The following ZNF518A variants were observed in gnomAD, a reference collection of about 807,000 sequenced individuals.
The protein encoded by ZNF518A is zinc finger protein 518A, also known as zinc finger protein 518.
Under a neutral mutation model 102.7 loss-of-function variants are expected in ZNF518A, and 47 were observed. The observed-to-expected ratio is 0.46, with a 90% confidence interval of 0.36 to 0.58. The LOEUF (loss-of-function observed/expected upper bound fraction) is 0.58, where lower values mean the gene tolerates loss of function less well. ZNF518A is among the 20% of genes least tolerant of loss of function. The pLI is 0.00. For synonymous variants in ZNF518A, 652 were observed against 594.6 expected (o/e 1.10, Z -1.40); for missense variants, 1,793 against 1,699.8 (o/e 1.05, Z -0.96).
At chr10:96,149,742 G>C (rs1489228641) in intron 3 of ZNF518A, among the ~76,000 whole-genome samples, 1 of 152,174 alleles carries the variant, frequency 6.6e-6, no homozygotes, top group African/African-American at 2.4e-5. Flanking sequence ...GAATTCTGCT[G>C]TAAGGGATTC....
rs376846613 is a variant in ZNF518A, at chr10:96,158,144, A to G, written c.1822A>G (p.Asn608Asp). The G allele has an allele frequency of 6.2e-7, 1 of 1,613,566 alleles. No individual in the cohort carries two copies. The highest frequency in any genetic ancestry group is 1.1e-5 in the South Asian group (1 of 91,050). ...TAAAGTCAACTGTGTTGCCAAACCAAATGCATACAACAGTGGAGATATGCA... is the reference window on the plus strand; with the variant it reads ...TAAAGTCAACTGTGTTGCCAAACCAGATGCATACAACAGTGGAGATATGCA... Reference protein sequence around the residue: ...PDKVNCVAKPNAYNSGDMHNY... With the variant: ...PDKVNCVAKPDAYNSGDMHNY... Residue 608 changes from asparagine to aspartate, a missense_variant, in exon 6 of 6, where the codon AAT becomes GAT. By Grantham distance (23) the Asn-to-Asp change is conservative. This residue lies in a region of ZNF518A where 1,741 missense variants were observed against 1,622.6 expected (regional missense o/e 1.07). Coordinates refer to ENST00000316045, the MANE Select transcript of ZNF518A (RefSeq NM_001330736.2).
chr10:96,159,513 TTCC>T lies in ZNF518A; in HGVS notation c.3193_3195del (p.Pro1065del). ...ACGAGTTCTGTGAAAGCTGTTCTTA[TTCC>T]TAACATGCTATCTGAGCAACAGAGC... On this transcript the variant is annotated inframe_deletion, in exon 6 of 6. Transcript: ENST00000316045. 1 of 1,613,880 alleles carries T rather than the reference TTCC, an allele frequency of 6.2e-7. No homozygotes were observed. Among genetic ancestry groups the T allele is most frequent in the Middle Eastern group, 1.6e-4 (1 of 6,062 alleles).
chr10:96,142,195 A>G (rs1456808770), intron 3 of ZNF518A, among the ~76,000 whole-genome samples: 2 of 150,236 alleles, frequency 1.3e-5, no homozygotes, highest in African/African-American at 2.5e-5. Flanking sequence ...TGAAAACTTA[A>G]AACAGCTGCA....
chr10:96,140,466 T>C (rs782496286), intron 3 of ZNF518A, among the ~76,000 whole-genome samples: 4 of 152,208 alleles, frequency 2.6e-5, no homozygotes, highest in Admixed American at 6.5e-5. Flanking sequence ...TCCCCTCATG[T>C]ATTCCAAATC....
intron 3 of ZNF518A, among the ~76,000 whole-genome samples, chr10:96,137,740 C>G (rs1389885188): frequency 2.6e-5 from 4 of 152,198 alleles, no homozygotes; most frequent in African/African-American, 9.7e-5. Flanking sequence ...TTTATTCCCC[C>G]TGGTGATTTC....
chr10:96,178,282 G>T (rs1554891696), intron 1 of ZNF518A, among the ~76,000 whole-genome samples: 1 of 152,068 alleles, frequency 6.6e-6, no homozygotes. Flanking sequence ...AATTCAATTA[G>T]AAATCAATCT....
In ZNF518A at chr10:96,159,577, G is replaced by A. The variant is rs782503024; in HGVS notation, c.3255G>A (p.Gln1085=). ...KLNISDSVKQ[Q]NEIFPKPPLY... is the part of the protein sequence containing the mutation. The stretch of plus-strand genomic sequence containing the variant: ...ATATCTCCGATTCAGTAAAACAGCA[G>A]AATGAGATTTTTCCAAAACCACCTC... The change falls in exon 6 of 6, where the codon CAG becomes CAA. Residue 1085 remains glutamine, a synonymous_variant. Coordinates refer to ENST00000316045, the MANE Select transcript of ZNF518A (RefSeq NM_001330736.2). 2 of 1,613,852 alleles carry A rather than the reference G, an allele frequency of 1.2e-6. No individual in the cohort carries two copies. The highest frequency in any genetic ancestry group is 2.2e-5 in the East Asian group (1 of 44,884).
At chr10:96,169,667 A>G (rs1173641411) in intron 1 of ZNF518A, among the ~76,000 whole-genome samples, 4 of 152,178 alleles carry the variant, frequency 2.6e-5, no homozygotes, top group African/African-American at 9.7e-5. Flanking sequence ...CCTTAGGGAT[A>G]ATTTCTACTG....
chr10:96,149,967 C>T (rs1554879824), intron 3 of ZNF518A, among the ~76,000 whole-genome samples: 1 of 152,010 alleles, frequency 6.6e-6, no homozygotes, highest in Non-Finnish European at 1.5e-5. Flanking sequence ...TACCTCAGAA[C>T]TCTATATAAA....
At chr10:96,195,907 T>C (rs2083453697) in intron 1 of ZNF518A, among the ~76,000 whole-genome samples, 1 of 152,230 alleles carries the variant, frequency 6.6e-6, no homozygotes, top group Admixed American at 6.5e-5. Context: ...ACCAAATCAA[T>C]TCAGTTGCTT....
At chr10:96,186,342 A>G (rs2083271739) in intron 1 of ZNF518A, among the ~76,000 whole-genome samples, 1 of 152,342 alleles carries the variant, frequency 6.6e-6, no homozygotes, top group Admixed American at 6.5e-5. Flanking sequence ...CTATTCAGCC[A>G]TCTTGGAATG....
At chr10:96,142,319 TG>T (rs2081972054) in intron 3 of ZNF518A, among the ~76,000 whole-genome samples, 1 of 133,786 alleles carries the variant, frequency 7.5e-6, no homozygotes, top group Non-Finnish European at 1.7e-5. Flanking sequence ...TGTGTGTGTG[TG>T]TGTGTGTGTG....
intron 1 of ZNF518A, chr10:96,190,040 C>T: frequency 1.2e-6 from 1 of 809,918 alleles, no homozygotes; most frequent in Admixed American, 1.7e-5. Flanking sequence ...GCCTCTGCTT[C>T]AACAATGTGC....
chr10:96,165,483 A>C (rs1459457724), downstream of ZNF518A, among the ~76,000 whole-genome samples: 1 of 145,102 alleles, frequency 6.9e-6, no homozygotes, highest in Admixed American at 6.9e-5. Flanking sequence ...AAAAAAAAAA[A>C]AAAAAACAGA....
chr10:96,191,040 T>TCA (rs2083320184), intron 1 of ZNF518A, among the ~76,000 whole-genome samples: 1 of 152,132 alleles, frequency 6.6e-6, no homozygotes, highest in African/African-American at 2.4e-5. Context: ...GGTAACTGAA[T>TCA]CACGCGGGCA....
chr10:96,177,573 G>A (rs1337203586), intron 1 of ZNF518A, among the ~76,000 whole-genome samples: 3 of 152,158 alleles, frequency 2.0e-5, no homozygotes, highest in Non-Finnish European at 4.4e-5. Context: ...CAGGGAAGGG[G>A]AAATGGAGGA....
chr10:96,150,743 C>T (rs138671469), intron 3 of ZNF518A, among the ~76,000 whole-genome samples: 59 of 30,256 alleles, frequency 2.0e-3, no homozygotes, highest in Middle Eastern at 0.042. Context: ...TCTTTCTTTC[C>T]TTTTTTTTTT....
At position 96,134,222 on chromosome 10, in the gene ZNF518A, T is replaced by C. The variant is rs147004689; in HGVS notation, c.-302+574T>C. On this transcript the variant is annotated intron_variant, in intron 3 of 5. Coordinates refer to ENST00000316045, the MANE Select transcript of ZNF518A (RefSeq NM_001330736.2). ...CTGAAACACTTCTGGTTCCAAGCTT[T>C]TTTGTTTTGTTTTGTTTTGTTTTTT... Among the ~76,000 whole-genome samples, 583 of 152,192 alleles carry C rather than the reference T, an allele frequency of 3.8e-3. 2 individuals are homozygous for C. Among genetic ancestry groups the C allele is most frequent in the Non-Finnish European group, 6.4e-3 (436 of 67,982 alleles).
intron 1 of ZNF518A, among the ~76,000 whole-genome samples, chr10:96,188,392 C>A (rs1554892837): frequency 6.6e-6 from 1 of 152,208 alleles, no homozygotes; most frequent in South Asian, 2.1e-4. Flanking sequence ...TGTCAACCAA[C>A]TGAGGATTAG....
Sources: allele counts gnomAD v4.1 joint callset (sites outside exome capture counted in the v4.1 genomes callset), GRCh38; gene constraint gnomAD v4.1.1; regional missense constraint gnomAD v4.1.1; transcripts MANE v1.5; gene names NCBI Gene and HGNC (gene_info 2026-07-23, HGNC 2026-07-21).